TAF1B: variants seen among roughly 807,000 people sequenced by gnomAD.
TAF1B encodes TATA-box binding protein associated factor, RNA polymerase I subunit B.
In TAF1B, 61 loss-of-function variants were observed where a neutral mutation model predicts 83.9. That is an observed-to-expected ratio of 0.73 (90% confidence interval 0.59 to 0.90). The LOEUF (loss-of-function observed/expected upper bound fraction) is 0.90, where lower values mean the gene tolerates loss of function less well. Among genes scored for constraint, TAF1B ranks in the 40% least tolerant of loss-of-function variants. The pLI, the probability that TAF1B is intolerant of heterozygous loss-of-function variation, is 0.00. For synonymous variants in TAF1B, 221 were observed against 224.6 expected (o/e 0.98, Z 0.14); for missense variants, 625 against 677.0 (o/e 0.92, Z 0.85).
At chr2:9,862,842 C>G (rs1465434289) in intron 5 of TAF1B, among the ~76,000 whole-genome samples, 2 of 152,132 alleles carry the variant, frequency 1.3e-5, no homozygotes, top group African/African-American at 4.8e-5. Flanking sequence ...TCCAGCCAAA[C>G]TAAGCTTCAT....
rs116630903 is a variant in TAF1B, at chr2:9,847,390, T to C, written c.118-1983T>C. 4.3e-3 allele frequency among the ~76,000 whole-genome samples: 655 copies of C among 152,280 alleles called. 3 individuals are homozygous for C. Among genetic ancestry groups the C allele is most frequent in the African/African-American group, 0.015 (612 of 41,552 alleles). On this transcript the variant is annotated intron_variant, in intron 2 of 14. Coordinates refer to ENST00000263663, the MANE Select transcript of TAF1B (RefSeq NM_005680.3). ...CTTCACATGGACTGTGAGAATATAATGTGGTAGGGGCTCCCTGGAGCTGAG... is the reference window on the plus strand; with the variant it reads ...CTTCACATGGACTGTGAGAATATAACGTGGTAGGGGCTCCCTGGAGCTGAG...
intron 5 of TAF1B, among the ~76,000 whole-genome samples, chr2:9,855,630 G>A (rs1379314805): frequency 2.0e-5 from 3 of 152,106 alleles, no homozygotes; most frequent in Admixed American, 2.0e-4. Context: ...GCTGCAGTGA[G>A]CTGTGATCAC....
chr2:9,857,816 G>A (rs891280255), intron 5 of TAF1B, among the ~76,000 whole-genome samples: 1 of 152,018 alleles, frequency 6.6e-6, no homozygotes, highest in Non-Finnish European at 1.5e-5. Context: ...GAACTCCCTC[G>A]CTATCATGAG....
chr2:9,894,578 T>G (rs1252293134), intron 8 of TAF1B, among the ~76,000 whole-genome samples: 1 of 152,202 alleles, frequency 6.6e-6, no homozygotes, highest in Non-Finnish European at 1.5e-5. Context: ...TATCTGAGGC[T>G]ACATTTATAT....
At chr2:9,916,495 T>G (rs182275607) in intron 12 of TAF1B, among the ~76,000 whole-genome samples, 1 of 152,224 alleles carries the variant, frequency 6.6e-6, no homozygotes, top group African/African-American at 2.4e-5. Flanking sequence ...TTGCCACTTG[T>G]GTAGGCATTT....
intron 8 of TAF1B, among the ~76,000 whole-genome samples, chr2:9,883,860 G>A (rs1206611191): frequency 6.6e-6 from 1 of 152,210 alleles, no homozygotes; most frequent in African/African-American, 2.4e-5. Context: ...TAATATCAAA[G>A]GCAATAGGAA....
chr2:9,848,510 T>C (rs1228537135), intron 2 of TAF1B, among the ~76,000 whole-genome samples: 3 of 152,056 alleles, frequency 2.0e-5, no homozygotes, highest in African/African-American at 4.8e-5. Flanking sequence ...CTACTAAAAA[T>C]ACAAAATTAG....
intron 8 of TAF1B, among the ~76,000 whole-genome samples, chr2:9,891,637 C>T (rs1346950851): frequency 6.6e-6 from 1 of 152,062 alleles, no homozygotes; most frequent in African/African-American, 2.4e-5. Context: ...CAGAAGAAGG[C>T]ATTGTTACCA....
chr2:9,881,926 T>TTGGAGA (rs1268264180), intron 7 of TAF1B, among the ~76,000 whole-genome samples: 1 of 152,098 alleles, frequency 6.6e-6, no homozygotes, highest in Admixed American at 6.6e-5. Context: ...ATTATAGGTA[T>TTGGAGA]TGGAGACAGA....
intron 14 of TAF1B, among the ~76,000 whole-genome samples, chr2:9,932,892 C>T (rs562914997): frequency 4.7e-4 from 72 of 152,348 alleles, no homozygotes; most frequent in African/African-American, 1.6e-3. Flanking sequence ...GACGCCCCTC[C>T]GCCTGCCAGG....
At chr2:9,865,610 A>G (rs1293235806) in intron 5 of TAF1B, among the ~76,000 whole-genome samples, 1 of 152,192 alleles carries the variant, frequency 6.6e-6, no homozygotes, top group Non-Finnish European at 1.5e-5. Flanking sequence ...GGAACCAAAA[A>G]CGAGCCCTCA....
Position 9,930,143 on chromosome 2 carries a change from A to ATTT in TAF1B, c.1566-3635_1566-3633dup, listed in dbSNP as rs140906271. On this transcript the variant is annotated intron_variant, in intron 14 of 14. Coordinates refer to ENST00000263663, the MANE Select transcript of TAF1B (RefSeq NM_005680.3). Reference sequence around the variant, plus strand: ...AAAAAACCAGCTCCCGGATTCATTGATTTTTTTAAGGGTTTTTTGTGTCTG... The same window carrying ATTT: ...AAAAAACCAGCTCCCGGATTCATTGATTTTTTTTTTAAGGGTTTTTTGTGTCTG... 3.9e-3 allele frequency among the ~76,000 whole-genome samples: 592 copies of ATTT among 151,708 alleles called. 3 individuals are homozygous for ATTT. Among genetic ancestry groups the ATTT allele is most frequent in the African/African-American group, 0.013 (551 of 41,340 alleles).
At chr2:9,861,087 C>T (rs1409407103) in intron 5 of TAF1B, among the ~76,000 whole-genome samples, 10 of 152,260 alleles carry the variant, frequency 6.6e-5, no homozygotes, top group South Asian at 2.1e-4. Flanking sequence ...CTGGGGAGTG[C>T]GGGACAGTGG....
intron 14 of TAF1B, among the ~76,000 whole-genome samples, chr2:9,921,145 A>G (rs1665866263): frequency 6.6e-6 from 1 of 152,194 alleles, no homozygotes; most frequent in Non-Finnish European, 1.5e-5. Context: ...AAGCTGGAGT[A>G]CAGTGGCACG....
At chr2:9,851,419 G>T in intron 3 of TAF1B, 122 bp from the exon 4 acceptor site, 2 of 680,338 alleles carry the variant, frequency 2.9e-6, no homozygotes, top group East Asian at 2.8e-5. Context: ...CTAAGTTCTG[G>T]GTTAATTGAA....
At chr2:9,921,945 AAGACT>A (rs1222948032) in intron 14 of TAF1B, among the ~76,000 whole-genome samples, 1 of 152,242 alleles carries the variant, frequency 6.6e-6, no homozygotes, top group Non-Finnish European at 1.5e-5. Context: ...TAAAAATAAA[AAGACT>A]AGACTAATAT....
intron 14 of TAF1B, among the ~76,000 whole-genome samples, chr2:9,930,068 T>C (rs1666166259): frequency 6.6e-6 from 1 of 152,190 alleles, no homozygotes. Context: ...TTCTTCTCTT[T>C]TCTTCTTTAT....
At chr2:9,844,469 G>A (rs287985) in intron 1 of TAF1B, 143,313 of 152,270 alleles carry the variant, frequency 0.94, 67,995 homozygotes, top group East Asian at 1. Flanking sequence ...AATGGCACAC[G>A]CTTTGATGGT....
At chr2:9,845,965 A>G in intron 2 of TAF1B, 1 of 416,792 alleles carries the variant, frequency 2.4e-6, no homozygotes, top group South Asian at 1.9e-5. Context: ...CCTGGGCAGC[A>G]GAGCAAGACT....
Sources: allele counts gnomAD v4.1 joint callset (sites outside exome capture counted in the v4.1 genomes callset), GRCh38; gene constraint gnomAD v4.1.1; transcripts MANE v1.5; gene names NCBI Gene and HGNC (gene_info 2026-07-23, HGNC 2026-07-21).